The following ZNF337 variants were observed in gnomAD, a reference collection of about 807,000 sequenced individuals.
ZNF337 encodes the protein zinc finger protein 337.
A neutral mutation model predicts 12.1 loss-of-function variants in ZNF337; 8 were observed. That is an observed-to-expected ratio of 0.66 (90% confidence interval 0.39 to 1.19). The LOEUF (loss-of-function observed/expected upper bound fraction) is 1.19, where lower values mean the gene tolerates loss of function less well. Among genes scored for constraint, ZNF337 ranks in the 50% most tolerant of loss-of-function variants. The pLI is 0.01. For synonymous variants in ZNF337, 336 were observed against 320.0 expected (o/e 1.05, Z -0.53); for missense variants, 882 against 896.6 (o/e 0.98, Z 0.21).
rs373919426 is a variant in ZNF337 at position 25,696,031 on chromosome 20, A to AG, written c.-50+727dup. Among the ~76,000 whole-genome samples the AG allele has an allele frequency of 5.4e-3, 809 of 148,618 alleles. 4 individuals are homozygous for AG. Among genetic ancestry groups the AG allele is most frequent in the South Asian group, 0.027 (127 of 4,636 alleles). The stretch of plus-strand genomic sequence containing the variant: ...CGTCATTAGCAAGGCCCCAGGGAAG[A>AG]GGCCACCTGGGTCCCCACAGCCACC... On this transcript the variant is annotated intron_variant, in intron 1 of 4. Transcript: ENST00000252979.
chr20:25,686,231 C>T, intron 2 of ZNF337, 109 bp from the exon 3 acceptor site: 2 of 1,552,708 alleles, frequency 1.3e-6, no homozygotes, highest in Non-Finnish European at 1.8e-6. Flanking sequence ...ATGAGTGACA[C>T]CCACAGGCCA....
intron 1 of ZNF337, among the ~76,000 whole-genome samples, chr20:25,688,221 T>A (rs558217435): frequency 6.6e-6 from 1 of 152,224 alleles, no homozygotes; most frequent in African/African-American, 2.4e-5. Context: ...TATAAATATG[T>A]ATTTCATTTT....
At chr20:25,682,363 C>CA (rs2065777895) in intron 4 of ZNF337, among the ~76,000 whole-genome samples, 1 of 152,056 alleles carries the variant, frequency 6.6e-6, no homozygotes, top group African/African-American at 2.4e-5. Context: ...TCTAACCCTG[C>CA]ATGTATTTAA....
chr20:25,684,631 AC>A (rs911662195), intron 4 of ZNF337, among the ~76,000 whole-genome samples: 2 of 152,224 alleles, frequency 1.3e-5, no homozygotes, highest in Non-Finnish European at 2.9e-5. Flanking sequence ...CTGGGTATAT[AC>A]CCGAAGGATT....
intron 1 of ZNF337, among the ~76,000 whole-genome samples, chr20:25,694,592 C>T (rs1016834240): frequency 2.6e-5 from 4 of 152,134 alleles, no homozygotes; most frequent in African/African-American, 9.7e-5. Flanking sequence ...GCTGTTACTC[C>T]CACTCCAATA....
intron 1 of ZNF337, among the ~76,000 whole-genome samples, chr20:25,694,446 A>G (rs1383377685): frequency 6.6e-6 from 1 of 152,312 alleles, no homozygotes; most frequent in South Asian, 2.1e-4. Context: ...GTCATGAGGT[A>G]TATCTTGACT....
Position 25,673,594 on chromosome 20 carries a change from C to G in ZNF337, c.*1438G>C, listed in dbSNP as rs2122313005. Among the ~76,000 whole-genome samples the G allele has an allele frequency of 6.6e-6, 1 of 152,298 alleles. No individual in the cohort carries two copies. Among genetic ancestry groups the G allele is most frequent in the South Asian group, 2.1e-4 (1 of 4,832 alleles). The stretch of plus-strand genomic sequence containing the variant: ...AGATTTTCCTTACGAAGGGTCTGAC[C>G]TCTACAAAATAGACATGCATTGGCT... On this transcript the variant is annotated 3_prime_UTR_variant, in exon 5 of 5. Coordinates refer to ENST00000252979, the MANE Select transcript of ZNF337 (RefSeq NM_015655.4).
chr20:25,673,727 G>C lies in ZNF337; in HGVS notation c.*1305C>G, dbSNP rs927767742. The C allele has an allele frequency of 2.0e-5, 3 of 152,216 alleles. No homozygotes were observed. The highest frequency in any genetic ancestry group is 4.4e-5 in the Non-Finnish European group (3 of 68,038). The allele number at this position is 152,216 out of a possible 1,614,324, so 9.4% of individuals were successfully genotyped here. A position where few individuals can be genotyped will look rare whatever the true frequency, so the allele number is the denominator to read the frequency against. On this transcript the variant is annotated 3_prime_UTR_variant, in exon 5 of 5. Transcript: ENST00000252979. The stretch of plus-strand genomic sequence containing the variant: ...ATAAAGGCCTTGTAAGCACTCACCA[G>C]GGAGTCCTGGTTTACTTAACCATTA...
In ZNF337 at chr20:25,676,206, G is replaced by GACTT. The variant is rs1569005840; in HGVS notation, c.1078_1081dup (p.Ser361Ter). 1 of 1,614,178 alleles carries GACTT rather than the reference G, an allele frequency of 6.2e-7. No individual in the cohort carries two copies. The highest frequency in any genetic ancestry group is 1.7e-5 in the Admixed American group (1 of 60,018). ...TGTCCTCTGGTGTGTGATAAGGTGTGACTTATTGCTAAAGCCTCGGCCACA... is the reference window on the plus strand; with the variant it reads ...TGTCCTCTGGTGTGTGATAAGGTGTGACTTACTTATTGCTAAAGCCTCGGCCACA... On this transcript the variant is annotated stop_gained and frameshift_variant, in exon 5 of 5. Coordinates refer to ENST00000252979, the MANE Select transcript of ZNF337 (RefSeq NM_015655.4). LOFTEE classifies it low-confidence loss of function (END_TRUNC).
Position 25,676,979 on chromosome 20 carries a change from T to C in ZNF337, c.309A>G (p.Gln103=), listed in dbSNP as rs1163316630. Residue 103 remains glutamine (Q), a synonymous_variant, in exon 5 of 5, where the codon CAA becomes CAG. Coordinates refer to ENST00000252979, the MANE Select transcript of ZNF337 (RefSeq NM_015655.4). The part of the protein sequence containing the change: ...PKNLGLAHQR[Q]QQLQFSDQSF... ...TTTGATCAGAAAATTGTAGTTGCTG[T>C]TGCCTCTGATGTGCAAGTCCAAGAT... 2 of 1,614,078 alleles carry C rather than the reference T, an allele frequency of 1.2e-6. No homozygotes were observed. Among genetic ancestry groups the C allele is most frequent in the African/African-American group, 2.7e-5 (2 of 75,028 alleles).
chr20:25,693,943 A>C (rs924362057), intron 1 of ZNF337, among the ~76,000 whole-genome samples: 2 of 151,956 alleles, frequency 1.3e-5, no homozygotes, highest in Non-Finnish European at 2.9e-5. Context: ...GTCCCAGGGT[A>C]GAGCCTCTTC....
chr20:25,681,951 G>A (rs564829760), intron 4 of ZNF337, among the ~76,000 whole-genome samples: 2 of 152,296 alleles, frequency 1.3e-5, no homozygotes, highest in Admixed American at 6.5e-5. Flanking sequence ...GTAAGTAAGC[G>A]ATAAAGAATA....
chr20:25,687,136 T>G (rs991871054), intron 1 of ZNF337, among the ~76,000 whole-genome samples: 6 of 152,216 alleles, frequency 3.9e-5, no homozygotes, highest in Non-Finnish European at 8.8e-5. Context: ...AAAAGTATTT[T>G]GGGTTTTAAA....
At chr20:25,694,470 A>T (rs539657263) in intron 1 of ZNF337, among the ~76,000 whole-genome samples, 1 of 152,208 alleles carries the variant, frequency 6.6e-6, no homozygotes, top group African/African-American at 2.4e-5. Flanking sequence ...GGGTCTCTCT[A>T]CTTGGGGGTT....
intron 2 of ZNF337, 82 bp downstream of exon 2, chr20:25,686,309 G>T: frequency 6.8e-7 from 1 of 1,479,638 alleles, no homozygotes; most frequent in Non-Finnish European, 9.4e-7. Context: ...TTGGTCCTGT[G>T]CTAATAATGT....
intron 1 of ZNF337, among the ~76,000 whole-genome samples, chr20:25,687,242 C>A (rs2065842443): frequency 6.6e-6 from 1 of 152,108 alleles, no homozygotes; most frequent in African/African-American, 2.4e-5. Flanking sequence ...CCTCAAAAGT[C>A]AATTGAGCAT....
intron 1 of ZNF337, among the ~76,000 whole-genome samples, chr20:25,693,653 T>C (rs1415020440): frequency 2.0e-5 from 3 of 152,156 alleles, no homozygotes; most frequent in Non-Finnish European, 4.4e-5. Flanking sequence ...CTGGGGAACG[T>C]TCCCCATGAG....
intron 4 of ZNF337, among the ~76,000 whole-genome samples, chr20:25,682,001 G>A (rs999552564): frequency 6.6e-6 from 1 of 152,098 alleles, no homozygotes; most frequent in African/African-American, 2.4e-5. Flanking sequence ...GTGGCAGATC[G>A]ACAGGTGTTC....
At chr20:25,689,381 C>T (rs1000599568) in intron 1 of ZNF337, among the ~76,000 whole-genome samples, 3 of 152,112 alleles carry the variant, frequency 2.0e-5, no homozygotes, top group African/African-American at 4.8e-5. Context: ...TGGGAACAAA[C>T]TCTATTTGGC....
Sources: gnomAD v4.1 joint callset for allele counts (sites outside exome capture counted in the v4.1 genomes callset) on GRCh38, gnomAD v4.1.1 for gene constraint, MANE v1.5 for transcripts, NCBI Gene and HGNC (gene_info 2026-07-23, HGNC 2026-07-21) for gene names.